The following CDH4 variants were observed in gnomAD, a reference collection of about 807,000 sequenced individuals.
CDH4 encodes the protein cadherin 4.
In CDH4, 33 loss-of-function variants were observed where a neutral mutation model predicts 86.0. The observed-to-expected ratio is 0.38, with a 90% CI of 0.29 to 0.51. CDH4 has a LOEUF of 0.51. Ranked by LOEUF, CDH4 falls within the 20% of genes least tolerant of loss-of-function variation. CDH4 has a pLI of 0.86. For synonymous variants in CDH4, 555 were observed against 549.4 expected, an observed-to-expected ratio of 1.01 and a Z score of -0.14; for missense variants, 1,114 against 1,307.4, an observed-to-expected ratio of 0.85 and a Z score of 2.28.
intron 7 of CDH4, among the ~76,000 whole-genome samples, chr20:61,893,585 G>GT (rs1428052499): frequency 6.7e-6 from 1 of 149,322 alleles, no homozygotes; most frequent in Non-Finnish European, 1.5e-5. Flanking sequence ...GGGTAGGTGG[G>GT]TGGATCGATG....
chr20:61,549,349 G>A (rs2086110879), intron 2 of CDH4, among the ~76,000 whole-genome samples: 1 of 152,140 alleles, frequency 6.6e-6, no homozygotes, highest in African/African-American at 2.4e-5. Context: ...CCAAACACCT[G>A]ATGAGGAACA....
At chr20:61,793,301 C>T (rs1341946950) in intron 4 of CDH4, among the ~76,000 whole-genome samples, 1 of 151,680 alleles carries the variant, frequency 6.6e-6, no homozygotes, top group East Asian at 1.9e-4. Context: ...ATGTCACTCC[C>T]AAGCAGAGCA....
At chr20:61,340,021 A>G (rs2084641882) in intron 2 of CDH4, among the ~76,000 whole-genome samples, 1 of 152,234 alleles carries the variant, frequency 6.6e-6, no homozygotes, top group Admixed American at 6.5e-5. Context: ...TGATGAGTTA[A>G]TTAATGAAGT....
At chr20:61,284,415 A>G (rs2084282101) in intron 2 of CDH4, among the ~76,000 whole-genome samples, 2 of 152,152 alleles carry the variant, frequency 1.3e-5, no homozygotes, top group Admixed American at 1.3e-4. Context: ...GTGCAAACAC[A>G]GAGATTCACT....
intron 2 of CDH4, among the ~76,000 whole-genome samples, chr20:61,496,750 G>A (rs921949219): frequency 3.3e-5 from 5 of 152,162 alleles, no homozygotes; most frequent in African/African-American, 4.8e-5. Context: ...TCTGGCCCTA[G>A]AGCAGCCACT....
At chr20:61,679,731 C>T (rs552892267) in intron 2 of CDH4, among the ~76,000 whole-genome samples, 236 of 152,312 alleles carry the variant, frequency 1.5e-3, no homozygotes, top group Non-Finnish European at 2.6e-3. Flanking sequence ...GCCTGTGGCC[C>T]CTGTGTGTAG....
At chr20:61,785,229 TCTC>T (rs1214666910) in intron 4 of CDH4, among the ~76,000 whole-genome samples, 1 of 152,012 alleles carries the variant, frequency 6.6e-6, no homozygotes, top group African/African-American at 2.4e-5. Flanking sequence ...TGCTTCACCA[TCTC>T]CTCACACCAC....
intron 2 of CDH4, among the ~76,000 whole-genome samples, chr20:61,694,024 G>A (rs1278349826): frequency 6.6e-6 from 1 of 151,258 alleles, no homozygotes; most frequent in Non-Finnish European, 1.5e-5. Flanking sequence ...TCCCGAGTAG[G>A]TGGGATTACA....
At chr20:61,316,879 G>A (rs1283079658) in intron 2 of CDH4, among the ~76,000 whole-genome samples, 1 of 152,314 alleles carries the variant, frequency 6.6e-6, no homozygotes, top group East Asian at 1.9e-4. Flanking sequence ...GCAGGGCTGG[G>A]TGGGGAGGCG....
At chr20:61,802,890 T>C (rs1278379316) in intron 4 of CDH4, among the ~76,000 whole-genome samples, 8 of 152,216 alleles carry the variant, frequency 5.3e-5, no homozygotes, top group African/African-American at 1.9e-4. Flanking sequence ...TGCTGCCTTT[T>C]GCGGGATAGT....
chr20:61,383,356 TG>T (rs1197875690), intron 2 of CDH4, among the ~76,000 whole-genome samples: 787 of 52,966 alleles, frequency 0.015, 36 homozygotes, highest in African/African-American at 0.082. Context: ...TGAATATATA[TG>T]GATATATATG....
intron 2 of CDH4, among the ~76,000 whole-genome samples, chr20:61,298,519 C>T (rs574947223): frequency 1.1e-3 from 172 of 152,174 alleles, no homozygotes; most frequent in African/African-American, 3.9e-3. Flanking sequence ...CTCAGGAACA[C>T]GGCATGCACA....
chr20:61,722,347 A>G (rs2088052049), intron 2 of CDH4, among the ~76,000 whole-genome samples: 1 of 152,202 alleles, frequency 6.6e-6, no homozygotes, highest in Non-Finnish European at 1.5e-5. Flanking sequence ...CGCCGTCATC[A>G]GCACTCACTG....
rs1458337579 is a variant in CDH4 at position 61,516,309 on chromosome 20, C to A, written c.170-227254C>A. Among the ~76,000 whole-genome samples the A allele has an allele frequency of 1.3e-5, 2 of 152,208 alleles. No homozygotes were observed. Among genetic ancestry groups the A allele is most frequent in the African/African-American group, 4.8e-5 (2 of 41,450 alleles). ...TGTTCCTCTTCCTGCTCCTTCCTTA[C>A]ATCCCGTCTATTAATGCCATGGTCC... On this transcript the variant is annotated intron_variant, in intron 2 of 15. Coordinates refer to ENST00000614565, the MANE Select transcript of CDH4 (RefSeq NM_001794.5). The surrounding 1 kb of genome is among the most constrained non-coding windows in gnomAD (Gnocchi z 4.0).
intron 2 of CDH4, among the ~76,000 whole-genome samples, chr20:61,678,045 TGATG>T (rs963945553): frequency 1.3e-5 from 2 of 152,114 alleles, no homozygotes; most frequent in African/African-American, 4.8e-5. Flanking sequence ...GATAGATGGA[TGATG>T]GATGGATGAT....
intron 2 of CDH4, among the ~76,000 whole-genome samples, chr20:61,261,354 CACTG>C (rs1222283193): frequency 7.9e-5 from 12 of 152,234 alleles, no homozygotes; most frequent in African/African-American, 2.9e-4. Context: ...TGTGTGAACT[CACTG>C]ACGCTGTGAC....
intron 2 of CDH4, among the ~76,000 whole-genome samples, chr20:61,327,197 A>G (rs2084541506): frequency 6.6e-6 from 1 of 152,260 alleles, no homozygotes; most frequent in Non-Finnish European, 1.5e-5. Context: ...CCATAAAAGA[A>G]AAGGCAGATA....
rs201187669 is a variant in CDH4 at position 61,719,915 on chromosome 20, ACAG to A, written c.170-23644_170-23642del. Among the ~76,000 whole-genome samples, 611 of 152,332 alleles carry A rather than the reference ACAG, an allele frequency of 4.0e-3. 3 individuals are homozygous for A. The highest frequency in any genetic ancestry group is 0.014 in the African/African-American group (583 of 41,578). On this transcript the variant is annotated intron_variant, in intron 2 of 15. Coordinates refer to ENST00000614565, the MANE Select transcript of CDH4 (RefSeq NM_001794.5). ...GTGGGGAAGCACCTTGCTTTTGTGAACAGCAGAAAAGGTGATAAGACATTGCGG... is the reference window on the plus strand; with the variant it reads ...GTGGGGAAGCACCTTGCTTTTGTGAACAGAAAAGGTGATAAGACATTGCGG...
intron 6 of CDH4, among the ~76,000 whole-genome samples, chr20:61,861,952 A>G (rs1983348261): frequency 1.3e-5 from 2 of 152,190 alleles, no homozygotes; most frequent in African/African-American, 4.8e-5. Context: ...CCGCTCCTCA[A>G]GGTGCAGGCC....
Sources: gnomAD v4.1 joint callset for allele counts (sites outside exome capture counted in the v4.1 genomes callset) on GRCh38, gnomAD v4.1.1 for gene constraint, Gnocchi (gnomAD v3.1) non-coding constraint, MANE v1.5 for transcripts, NCBI Gene and HGNC (gene_info 2026-07-23, HGNC 2026-07-21) for gene names.